Variants in TNPO1 observed in about 807,000 individuals in gnomAD.
The protein encoded by TNPO1 is transportin-1.
TNPO1 carries 8 observed loss-of-function variants against 119.5 expected under a neutral mutation model. The observed-to-expected ratio is 0.07, with a 90% CI of 0.04 to 0.12. TNPO1 has a LOEUF of 0.12. Among genes scored for constraint, TNPO1 ranks in the 10% least tolerant of loss-of-function variants. The pLI is 1.00. For synonymous variants in TNPO1, 362 were observed against 363.0 expected, an observed-to-expected ratio of 1.00 and a Z score of 0.03; for missense variants, 576 against 1,089.8, an observed-to-expected ratio of 0.53 and a Z score of 6.64.
At chr5:72,849,717 T>G (rs1005524326) in intron 2 of TNPO1, among the ~76,000 whole-genome samples, 1 of 152,220 alleles carries the variant, frequency 6.6e-6, no homozygotes, top group Non-Finnish European at 1.5e-5. Flanking sequence ...GTTTGGATAC[T>G]TCTAGTACTG....
chr5:72,886,085 G>A (rs536498871), intron 11 of TNPO1, among the ~76,000 whole-genome samples: 17 of 151,684 alleles, frequency 1.1e-4, no homozygotes, highest in South Asian at 2.1e-4. Context: ...TCCCATCTTC[G>A]TTGCTTTAGG....
intron 6 of TNPO1, among the ~76,000 whole-genome samples, chr5:72,872,272 A>G (rs1052066970): frequency 6.6e-6 from 1 of 152,156 alleles, no homozygotes; most frequent in Non-Finnish European, 1.5e-5. Context: ...CACATGGACT[A>G]TTCTCCATTT....
At chr5:72,889,474 T>C (rs1580461781) in intron 13 of TNPO1, among the ~76,000 whole-genome samples, 1 of 151,900 alleles carries the variant, frequency 6.6e-6, no homozygotes, top group East Asian at 1.9e-4. Context: ...ATTCAGTACC[T>C]CGGTTTTTTT....
At chr5:72,898,847 G>C (rs1561358583) in intron 20 of TNPO1, among the ~76,000 whole-genome samples, 1 of 152,056 alleles carries the variant, frequency 6.6e-6, no homozygotes, top group Non-Finnish European at 1.5e-5. Flanking sequence ...TATCTGTGTA[G>C]TTTGCTTCAA....
At chr5:72,888,448 T>C (rs759040535) in intron 13 of TNPO1, 145 bp downstream of exon 13, 9 of 737,578 alleles carry the variant, frequency 1.2e-5, no homozygotes, top group African/African-American at 1.8e-5. Context: ...TAGTTTTCTT[T>C]TTTCTTCTTG....
intron 1 of TNPO1, among the ~76,000 whole-genome samples, chr5:72,821,885 G>T (rs1036384339): frequency 1.3e-5 from 2 of 152,186 alleles, no homozygotes; most frequent in African/African-American, 2.4e-5. Flanking sequence ...GGCCCTGAAA[G>T]GTATATAGCA....
At chr5:72,850,965 T>G (rs1320134907) in intron 2 of TNPO1, among the ~76,000 whole-genome samples, 3 of 152,198 alleles carry the variant, frequency 2.0e-5, no homozygotes, top group Non-Finnish European at 4.4e-5. Context: ...TTTTTGAATA[T>G]TTTTTGCTAT....
chr5:72,899,090 AAT>A (rs1749639852), intron 20 of TNPO1, among the ~76,000 whole-genome samples: 1 of 152,166 alleles, frequency 6.6e-6, no homozygotes, highest in Non-Finnish European at 1.5e-5. Context: ...TTTTATGGTG[AAT>A]ATATGTTTGC....
intron 20 of TNPO1, 139 bp downstream of exon 20, chr5:72,897,290 A>G (rs1749498375): frequency 1.7e-6 from 1 of 601,186 alleles, no homozygotes; most frequent in Non-Finnish European, 2.9e-6. Context: ...ATTTTCAGTA[A>G]TGAAATAGAC....
intron 4 of TNPO1, among the ~76,000 whole-genome samples, chr5:72,860,295 G>A (rs1042649976): frequency 6.6e-6 from 1 of 151,300 alleles, no homozygotes; most frequent in African/African-American, 2.4e-5. Flanking sequence ...TTTCATTTTT[G>A]TACACTCATA....
chr5:72,866,408 A>T (rs1207693636), intron 6 of TNPO1, among the ~76,000 whole-genome samples: 9 of 152,208 alleles, frequency 5.9e-5, no homozygotes, highest in African/African-American at 2.2e-4. Flanking sequence ...TTTAACTAAG[A>T]TAATGAAAAT....
chr5:72,869,044 T>A (rs1391853508), intron 6 of TNPO1, among the ~76,000 whole-genome samples: 1 of 152,152 alleles, frequency 6.6e-6, no homozygotes, highest in Non-Finnish European at 1.5e-5. Flanking sequence ...TTGCAATGAA[T>A]TTCTACACAG....
At chr5:72,896,781 A>G (rs1322260188) in intron 19 of TNPO1, among the ~76,000 whole-genome samples, 1 of 152,184 alleles carries the variant, frequency 6.6e-6, no homozygotes, top group Non-Finnish European at 1.5e-5. Context: ...AGTCAGGAGA[A>G]TCACTTGAAC....
chr5:72,899,687 C>A (rs567296056), intron 20 of TNPO1, among the ~76,000 whole-genome samples: 8 of 152,142 alleles, frequency 5.3e-5, no homozygotes. Flanking sequence ...ATCTTATTAA[C>A]AGAATGATAC....
chr5:72,829,062 G>T (rs1480366904), intron 1 of TNPO1, among the ~76,000 whole-genome samples: 1 of 152,124 alleles, frequency 6.6e-6, no homozygotes. Context: ...GGTTGAGTTG[G>T]CAGTATTATA....
At chr5:72,842,850 T>G (rs1274898707) in intron 1 of TNPO1, among the ~76,000 whole-genome samples, 1 of 152,256 alleles carries the variant, frequency 6.6e-6, no homozygotes, top group Non-Finnish European at 1.5e-5. Context: ...TTTCACAAGC[T>G]TTGTATTATC....
At chr5:72,834,554 G>A (rs1349725463) in intron 1 of TNPO1, among the ~76,000 whole-genome samples, 4 of 152,224 alleles carry the variant, frequency 2.6e-5, no homozygotes, top group Non-Finnish European at 4.4e-5. Context: ...ATAAAAAAGT[G>A]TGTAGAATAC....
intron 1 of TNPO1, among the ~76,000 whole-genome samples, chr5:72,819,247 C>G (rs1743837675): frequency 6.6e-6 from 1 of 152,140 alleles, no homozygotes; most frequent in African/African-American, 2.4e-5. Context: ...TTTCTAACAA[C>G]TCACCCTCAG....
chr5:72,875,778 CT>C, intron 8 of TNPO1, 41 bp downstream of exon 8: 2 of 1,573,710 alleles, frequency 1.3e-6, no homozygotes, highest in Non-Finnish European at 1.7e-6. Context: ...CATCTTTCCC[CT>C]AAGAGAAATA....
Sources: allele counts gnomAD v4.1 joint callset (sites outside exome capture counted in the v4.1 genomes callset), GRCh38; gene constraint gnomAD v4.1.1; transcripts MANE v1.5; gene names NCBI Gene and HGNC (gene_info 2026-07-23, HGNC 2026-07-21).